The following SIGLEC1 variants were observed in gnomAD, a reference collection of about 807,000 sequenced individuals.
The protein encoded by SIGLEC1 is sialoadhesin.
Under a neutral mutation model 148.0 loss-of-function variants are expected in SIGLEC1, and 132 were observed. The ratio of observed to expected loss-of-function variants is 0.89; its 90% CI spans 0.77 to 1.03. The LOEUF (loss-of-function observed/expected upper bound fraction) is 1.03, where lower values mean the gene tolerates loss of function less well. SIGLEC1 is among the 50% of genes least tolerant of loss of function. The probability of loss-of-function intolerance (pLI) is 0.00; values close to 1 mark genes in which losing one functional copy is unlikely to be tolerated. For synonymous variants in SIGLEC1, 945 were observed against 969.0 expected, an observed-to-expected ratio of 0.98 and a Z score of 0.46; for missense variants, 2,253 against 2,271.4, an observed-to-expected ratio of 0.99 and a Z score of 0.16.
At chr20:3,696,331 G>A (rs1168230634) in intron 11 of SIGLEC1, among the ~76,000 whole-genome samples, 1 of 152,122 alleles carries the variant, frequency 6.6e-6, no homozygotes, top group East Asian at 1.9e-4. Flanking sequence ...CACAAAACAA[G>A]TTATTTCAGA....
intron 13 of SIGLEC1, 147 bp from the exon 14 acceptor site, chr20:3,693,845 T>C: frequency 1.2e-6 from 1 of 830,438 alleles, no homozygotes; most frequent in Non-Finnish European, 1.8e-6. Flanking sequence ...TAAATGTGGC[T>C]TAGAAGTCAA....
rs202031793 is a variant in SIGLEC1 at position 3,697,300 on chromosome 20, C to T, written c.2165G>A (p.Gly722Asp). Residue 722 changes from glycine to aspartate, a missense_variant, in exon 10 of 22, where the codon GGC becomes GAC. Coordinates refer to ENST00000344754, the MANE Select transcript of SIGLEC1 (RefSeq NM_023068.4). ...GTTGCAAGTCAAGTTGGCTTCTGTG[C>T]CCTCCTGAAGTGTGTGTGATGGTGC... The part of the protein sequence containing the change: ...AIAPSHTLQE[G>D]TEANLTCNVS... The T allele has an allele frequency of 1.1e-5, 17 of 1,613,798 alleles. No individual in the cohort carries two copies. The highest frequency in any genetic ancestry group is 1.7e-5 in the Admixed American group (1 of 60,002).
intron 1 of SIGLEC1, among the ~76,000 whole-genome samples, chr20:3,708,221 A>G (rs530282725): frequency 5.9e-5 from 9 of 152,318 alleles, no homozygotes; most frequent in Non-Finnish European, 4.4e-5. Flanking sequence ...TATGAGCTCA[A>G]TGTGTGCGGA....
chr20:3,692,689 C>A lies in SIGLEC1; in HGVS notation c.3862G>T (p.Ala1288Ser), dbSNP rs757371988. 6.2e-7 allele frequency: 1 copy of A among 1,613,000 alleles called. No homozygotes were observed. The highest frequency in any genetic ancestry group is 2.2e-5 in the East Asian group (1 of 44,870). ...TGGTACCAAGTATAGAGTGTGGGTG[C>A]GTGGGCAGCAGGGTCCGCACAGGTC... Reference protein sequence around the residue: ...TVTCADPAAHAPTLYTWYHNG... With the variant: ...TVTCADPAAHSPTLYTWYHNG... Residue 1288 changes from alanine (A) to serine (S), a missense_variant, in exon 16 of 22, where the codon GCA becomes TCA. Ala to Ser is a moderately conservative substitution (Grantham distance 99). Coordinates refer to ENST00000344754, the MANE Select transcript of SIGLEC1 (RefSeq NM_023068.4).
In SIGLEC1 at chr20:3,689,721, C is replaced by T. The variant is rs1473054281; in HGVS notation, c.4895-19G>A. On this transcript the variant is annotated intron_variant, in intron 19 of 21. Coordinates refer to ENST00000344754, the MANE Select transcript of SIGLEC1 (RefSeq NM_023068.4). Reference sequence around the variant, plus strand: ...TGCAGGGCTGGAACACAGAGCGGGACTCAGAGCAGCCACAGCTGCAGGCCC... The same window carrying T: ...TGCAGGGCTGGAACACAGAGCGGGATTCAGAGCAGCCACAGCTGCAGGCCC... The T allele has an allele frequency of 6.4e-7, 1 of 1,553,386 alleles. No homozygotes were observed. Among genetic ancestry groups the T allele is most frequent in the South Asian group, 1.2e-5 (1 of 84,498 alleles).
In SIGLEC1 at chr20:3,698,029, G is replaced by C. The variant is rs1456439330; in HGVS notation, c.1891C>G (p.Pro631Ala). The change falls in exon 9 of 22, where the codon CCC becomes GCC. Residue 631 changes from proline to alanine, a missense_variant. By Grantham distance (27) the Pro-to-Ala change is conservative. Coordinates refer to ENST00000344754, the MANE Select transcript of SIGLEC1 (RefSeq NM_023068.4). The stretch of plus-strand genomic sequence containing the variant: ...TTGTGGAGCAGCTGCAGCCTGGCGG[G>C]GGGGTCGCTGTCCACACGGCACAAA... Reference protein sequence around the residue: ...LLLCRVDSDPPARLQLLHKDR... With the variant: ...LLLCRVDSDPAARLQLLHKDR... 1 of 1,610,330 alleles carries C rather than the reference G, an allele frequency of 6.2e-7. No individual in the cohort carries two copies. The highest frequency in any genetic ancestry group is 1.1e-5 in the South Asian group (1 of 90,860).
At position 3,703,843 on chromosome 20, in the gene SIGLEC1, TG is replaced by T. The variant is rs765529239; in HGVS notation, c.954del (p.Ile319SerfsTer12). On this transcript the variant is annotated frameshift_variant, in exon 5 of 22. Transcript: ENST00000344754. LOFTEE classifies it high-confidence loss of function. ...ENGVGSLVSP[P>X]ISLHIFMAEV... ...AACTCACTGAAGATGTGGAGGCTGA[TG>T]GGGGGTGAGACCAAAGAGCCCACGC... 1 of 1,613,936 alleles carries T rather than the reference TG, an allele frequency of 6.2e-7. No individual in the cohort carries two copies. The highest frequency in any genetic ancestry group is 8.5e-7 in the Non-Finnish European group (1 of 1,179,994).
chr20:3,708,177 G>A (rs1276547239), intron 1 of SIGLEC1, among the ~76,000 whole-genome samples: 1 of 152,162 alleles, frequency 6.6e-6, no homozygotes, highest in Non-Finnish European at 1.5e-5. Flanking sequence ...TTGAAAGGTA[G>A]CATGAGAGCG....
At position 3,703,417 on chromosome 20, in the gene SIGLEC1, G is replaced by C. The variant is rs754361175; in HGVS notation, c.1008C>G (p.Ile336Met). ...CTAGTGTCACTGTCTGGTTCTCCAG[G>C]ATGGGACCTGCTGGGCTCACCTGGA... is the stretch of plus-strand genomic sequence containing the variant. Reference protein sequence around the residue: ...AEVQVSPAGPILENQTVTLVC... With the variant: ...AEVQVSPAGPMLENQTVTLVC... The change falls in exon 6 of 22, where the codon ATC becomes ATG. Residue 336 changes from isoleucine to methionine, a missense_variant. Transcript: ENST00000344754. 6.3e-7 allele frequency: 1 copy of C among 1,591,700 alleles called. No homozygotes were observed. The highest frequency in any genetic ancestry group is 8.6e-7 in the Non-Finnish European group (1 of 1,167,710).
chr20:3,703,125 A>C (rs779027237), intron 6 of SIGLEC1, 72 bp downstream of exon 6: 4 of 1,597,062 alleles, frequency 2.5e-6, no homozygotes, highest in Non-Finnish European at 2.6e-6. Flanking sequence ...CAGGACCCCA[A>C]CCCTTCCTTG....
Position 3,688,907 on chromosome 20 carries a change from G to A in SIGLEC1, c.5070+248C>T, listed in dbSNP as rs2088726099. 5.0e-6 allele frequency: 3 copies of A among 599,306 alleles called. No individual in the cohort carries two copies. The East Asian group carries it at 8.3e-5, about 17-fold the overall frequency. 37.1% of individuals were successfully genotyped at this position (599,306 alleles called of 1,614,324 possible). ...AACATACGTGTCTTGGAAATGGAGGGGATGCTGCCAAGTCCAGAAAGTCTC... is the reference window on the plus strand; with the variant it reads ...AACATACGTGTCTTGGAAATGGAGGAGATGCTGCCAAGTCCAGAAAGTCTC... On this transcript the variant is annotated intron_variant, in intron 21 of 21. Transcript: ENST00000344754.
intron 7 of SIGLEC1, among the ~76,000 whole-genome samples, chr20:3,700,269 C>T (rs1283886308): frequency 6.6e-6 from 1 of 151,900 alleles, no homozygotes; most frequent in Non-Finnish European, 1.5e-5. Flanking sequence ...AGGTGTGCGC[C>T]ACCACACCCG....
Position 3,693,043 on chromosome 20 carries a change from CG to C in SIGLEC1, c.3596del (p.Pro1199ArgfsTer65), listed in dbSNP as rs1568839934. On this transcript the variant is annotated frameshift_variant, in exon 15 of 22. Transcript: ENST00000344754. LOFTEE classifies it high-confidence loss of function. ...CGTGGCTGAGGGCCAGCTGGGCGGG[CG>C]GGCGGCTGTCCACAGTGCACAGTAC... ...ALVLCTVDSR[P>X]PAQLALSHAG... The C allele has an allele frequency of 6.2e-7, 1 of 1,608,416 alleles. No individual in the cohort carries two copies.
Position 3,710,462 on chromosome 20 carries a change from G to T in SIGLEC1, c.-110+2008C>A. Among the ~76,000 whole-genome samples, 1 of 152,204 alleles carries T rather than the reference G, an allele frequency of 6.6e-6. No individual in the cohort carries two copies. Among genetic ancestry groups the T allele is most frequent in the Admixed American group, 6.5e-5 (1 of 15,290 alleles). ...CAAGGGCTCATCTCCAGTTCTCTAG[G>T]AAGCCCTAGGCCTCCTCCTCTTCTG... On this transcript the variant is annotated intron_variant, in intron 1 of 21. Coordinates refer to ENST00000344754, the MANE Select transcript of SIGLEC1 (RefSeq NM_023068.4). The surrounding 1 kb of genome is among the most constrained non-coding windows in gnomAD (Gnocchi z 4.6).
intron 8 of SIGLEC1, 67 bp from the exon 9 acceptor site, chr20:3,698,200 C>T: frequency 7.4e-7 from 1 of 1,358,382 alleles, no homozygotes. Context: ...CCTGGCTAGG[C>T]TCCCAGAATA....
Position 3,703,210 on chromosome 20 carries a change from G to A in SIGLEC1, c.1215C>T (p.Ser405=), listed in dbSNP as rs41309347. 233 of 1,613,810 alleles carry A rather than the reference G, an allele frequency of 1.4e-4. No individual in the cohort carries two copies. The highest frequency in any genetic ancestry group is 1.8e-4 in the Non-Finnish European group (213 of 1,179,994). The part of the protein sequence containing the change: ...VHGSERSGPV[S]VVVNHPPLTP... ...CTGGCCTCTTACGGTTGACTACCAC[G>A]CTGACAGGGCCCGAGCGCTCGCTGC... Residue 405 remains serine (S), a synonymous_variant, in exon 6 of 22, where the codon AGC becomes AGT. Transcript: ENST00000344754.
In SIGLEC1 at chr20:3,693,675, C is replaced by T. The variant is rs758655449; in HGVS notation, c.3280G>A (p.Gly1094Arg). The T allele has an allele frequency of 1.8e-5, 28 of 1,594,516 alleles. No individual in the cohort carries two copies. Among genetic ancestry groups the T allele is most frequent in the South Asian group, 9.2e-5 (8 of 87,280 alleles). ...AQAVNVQVWP[G>R]ATVREGQLVN... ...AGCTGCCCCTCCCGCACGGTAGCCCCGGGCCACACCTGCACATTCACAGCT... is the reference window on the plus strand; with the variant it reads ...AGCTGCCCCTCCCGCACGGTAGCCCTGGGCCACACCTGCACATTCACAGCT... The change falls in exon 14 of 22, where the codon GGG (glycine) becomes AGG (arginine). Residue 1094 changes from glycine (G) to arginine (R), a missense_variant. Transcript: ENST00000344754.
Position 3,701,548 on chromosome 20 carries a change from G to C in SIGLEC1, c.1322C>G (p.Ala441Gly). Residue 441 changes from alanine (A) to glycine (G), a missense_variant, in exon 7 of 22, where the codon GCC (alanine) becomes GGC (glycine). Ala to Gly is a moderately conservative substitution (Grantham distance 60). Transcript: ENST00000344754. ...ACCCCCATGTGACAGCACCAGTGTG[G>C]CCAGGGGCTCACTGACCACAGAGCA... ...LHCSVVSEPL[A>G]TLVLSHGGHI... 1 of 1,613,396 alleles carries C rather than the reference G, an allele frequency of 6.2e-7. No individual in the cohort carries two copies. Among genetic ancestry groups the C allele is most frequent in the Non-Finnish European group, 8.5e-7 (1 of 1,179,588 alleles).
Position 3,693,141 on chromosome 20 carries a change from A to G in SIGLEC1, c.3509-10T>C, listed in dbSNP as rs933531804. 4 of 1,536,792 alleles carry G rather than the reference A, an allele frequency of 2.6e-6. No individual in the cohort carries two copies. The African/African-American group carries it at 5.5e-5, about 21-fold the overall frequency. ...AGGTTGCGGGGCGCGTCTGCAGGGC[A>G]TGAGAGGCTTACACGGAGTCACAGG... On this transcript the variant is annotated splice_polypyrimidine_tract_variant and intron_variant, in intron 14 of 21. Coordinates refer to ENST00000344754, the MANE Select transcript of SIGLEC1 (RefSeq NM_023068.4).
Sources: gnomAD v4.1 joint callset for allele counts (sites outside exome capture counted in the v4.1 genomes callset) on GRCh38, gnomAD v4.1.1 for gene constraint, Gnocchi (gnomAD v3.1) non-coding constraint, MANE v1.5 for transcripts, NCBI Gene and HGNC (gene_info 2026-07-23, HGNC 2026-07-21) for gene names.